DYNC2H1: variants seen among roughly 807,000 people sequenced by gnomAD.
DYNC2H1 encodes dynein cytoplasmic 2 heavy chain 1.
A neutral mutation model predicts 570.0 loss-of-function variants in DYNC2H1; 410 were observed. The ratio of observed to expected loss-of-function variants is 0.72; its 90% confidence interval spans 0.66 to 0.78. The LOEUF is 0.78. DYNC2H1 is among the 30% of genes least tolerant of loss of function. The pLI is 0.00. For missense variants in DYNC2H1, 4,865 were observed against 5,046.4 expected, an observed-to-expected ratio of 0.96 and a Z score of 1.09; for synonymous variants, 1,688 against 1,677.6, an observed-to-expected ratio of 1.01 and a Z score of -0.15.
intron 88 of DYNC2H1, among the ~76,000 whole-genome samples, chr11:103,474,438 G>A (rs1389104055): frequency 1.3e-5 from 2 of 152,128 alleles, no homozygotes; most frequent in Admixed American, 1.3e-4. Context: ...CTTCATATGT[G>A]TTTTGTTATG....
chr11:103,386,994 A>G (rs1941911151), intron 83 of DYNC2H1, among the ~76,000 whole-genome samples: 3 of 151,908 alleles, frequency 2.0e-5, no homozygotes, highest in Admixed American at 2.0e-4. Flanking sequence ...AGCATGATTT[A>G]TAATCCTTTG....
intron 18 of DYNC2H1, among the ~76,000 whole-genome samples, chr11:103,146,169 A>C (rs1860230414): frequency 6.6e-6 from 1 of 152,220 alleles, no homozygotes. Flanking sequence ...TAAATAAGTA[A>C]AACTTTAAAA....
chr11:103,320,208 C>T (rs1938093994), intron 80 of DYNC2H1, among the ~76,000 whole-genome samples: 1 of 151,968 alleles, frequency 6.6e-6, no homozygotes, highest in Admixed American at 6.6e-5. Flanking sequence ...CAAGAAGTTC[C>T]TCCTGACCAA....
chr11:103,476,755 G>A (rs774434917), intron 88 of DYNC2H1, among the ~76,000 whole-genome samples: 2 of 151,910 alleles, frequency 1.3e-5, no homozygotes, highest in African/African-American at 4.9e-5. Flanking sequence ...GTGGGCGGCG[G>A]AGGGAGAGAG....
chr11:103,400,819 T>C (rs1378022689), intron 84 of DYNC2H1, among the ~76,000 whole-genome samples: 2 of 152,202 alleles, frequency 1.3e-5, no homozygotes, highest in East Asian at 1.9e-4. Flanking sequence ...TTTCTACATA[T>C]ACAGAAAGGT....
rs1591385222 is a variant in DYNC2H1, at chr11:103,191,549, T to C, written c.7470T>C (p.Ser2490=). The part of the protein sequence containing the change: ...VRAKFTVDDY[S]HYFFTPCILT... ...CCAAATTTACAGTTGATGATTATAG[T>C]CACTATTTCTTTACTCCTTGCATTC... Residue 2490 remains serine (S), a synonymous_variant, in exon 46 of 89, where the codon AGT becomes AGC. Coordinates refer to ENST00000375735, the MANE Select transcript of DYNC2H1 (RefSeq NM_001377.3). 1 of 1,609,598 alleles carries C rather than the reference T, an allele frequency of 6.2e-7. No individual in the cohort carries two copies. Among genetic ancestry groups the C allele is most frequent in the Non-Finnish European group, 8.5e-7 (1 of 1,177,758 alleles).
At chr11:103,391,748 T>C (rs1378356955) in intron 83 of DYNC2H1, among the ~76,000 whole-genome samples, 8 of 152,234 alleles carry the variant, frequency 5.3e-5, no homozygotes, top group Non-Finnish European at 5.9e-5. Flanking sequence ...CTGTTAGAGT[T>C]TGCTGGAGGT....
At chr11:103,141,500 G>T (rs550945750) in intron 17 of DYNC2H1, among the ~76,000 whole-genome samples, 1 of 152,170 alleles carries the variant, frequency 6.6e-6, no homozygotes, top group South Asian at 2.1e-4. Context: ...TATCAGCAGC[G>T]GTGGCTACAG....
chr11:103,112,049 G>A (rs908142687), intron 1 of DYNC2H1, among the ~76,000 whole-genome samples: 5 of 152,228 alleles, frequency 3.3e-5, no homozygotes, highest in Non-Finnish European at 5.9e-5. Flanking sequence ...ATGGGGCAGC[G>A]TGGGGAACTA....
Position 103,189,840 on chromosome 11 carries a change from C to A in DYNC2H1, c.7437+24C>A. ...AGGTAGATATGCATCTAAATTGTAG[C>A]TTTCATGTCTATTAGTATCATTTCT... is the stretch of plus-strand genomic sequence containing the variant. On this transcript the variant is annotated intron_variant, in intron 45 of 88. Coordinates refer to ENST00000375735, the MANE Select transcript of DYNC2H1 (RefSeq NM_001377.3). The surrounding 1 kb of genome is among the most constrained non-coding windows in gnomAD (Gnocchi z 4.3). 1 of 1,567,694 alleles carries A rather than the reference C, an allele frequency of 6.4e-7. No individual in the cohort carries two copies. Among genetic ancestry groups the A allele is most frequent in the Non-Finnish European group, 8.6e-7 (1 of 1,161,342 alleles).
In DYNC2H1 at chr11:103,185,934, C is replaced by T. The variant is rs889421372; in HGVS notation, c.6634-308C>T. 2.6e-5 allele frequency among the ~76,000 whole-genome samples: 4 copies of T among 151,818 alleles called. No homozygotes were observed. Among genetic ancestry groups the T allele is most frequent in the African/African-American group, 7.3e-5 (3 of 41,362 alleles). On this transcript the variant is annotated intron_variant, in intron 41 of 88. Coordinates refer to ENST00000375735, the MANE Select transcript of DYNC2H1 (RefSeq NM_001377.3). The surrounding 1 kb of genome is among the most constrained non-coding windows in gnomAD (Gnocchi z 4.5). ...GAAATGAAGGGCTTTAGGATTTCTG[C>T]ATTCTGTACTTTGTGATTTAATGTT... is the stretch of plus-strand genomic sequence containing the variant.
intron 1 of DYNC2H1, among the ~76,000 whole-genome samples, chr11:103,110,847 C>T (rs180820271): frequency 2.6e-4 from 39 of 149,206 alleles, no homozygotes; most frequent in East Asian, 1.8e-3. Flanking sequence ...AGACGCAGTT[C>T]GCAGTTTCGC....
chr11:103,187,478 T>A lies in DYNC2H1; in HGVS notation c.7032T>A (p.Arg2344=), dbSNP rs760382908. 2 of 1,613,270 alleles carry A rather than the reference T, an allele frequency of 1.2e-6. No homozygotes were observed. Among genetic ancestry groups the A allele is most frequent in the Non-Finnish European group, 1.7e-6 (2 of 1,179,514 alleles). ...TCMVISTNTG[R]VYRPKDCERL... ...TGGTAATCAGTACTAATACTGGTCG[T>A]GTATACAGACCAAAAGACTGTGAAA... is the stretch of plus-strand genomic sequence containing the variant. Residue 2344 remains arginine, a synonymous_variant, in exon 43 of 89, where the codon CGT becomes CGA. Coordinates refer to ENST00000375735, the MANE Select transcript of DYNC2H1 (RefSeq NM_001377.3).
At chr11:103,210,980 T>C (rs537137589) in intron 53 of DYNC2H1, among the ~76,000 whole-genome samples, 5 of 152,088 alleles carry the variant, frequency 3.3e-5, no homozygotes, top group Non-Finnish European at 5.9e-5. Context: ...ATCCCTTTCT[T>C]CAGTTATTGG....
rs557251734 is a variant in DYNC2H1 at position 103,369,300 on chromosome 11, G to A, written c.12156+10941G>A. ...CCAGAGAGGATTCCCAGATGCTGGC[G>A]GCAGGAACCTGAGTTCTTGCAAGCC... On this transcript the variant is annotated intron_variant, in intron 83 of 88. Transcript: ENST00000375735. The surrounding 1 kb of genome is among the most constrained non-coding windows in gnomAD (Gnocchi z 4.0). Among the ~76,000 whole-genome samples, 5 of 152,234 alleles carry A rather than the reference G, an allele frequency of 3.3e-5. No homozygotes were observed. The highest frequency in any genetic ancestry group is 1.9e-4 in the East Asian group (1 of 5,174).
chr11:103,433,177 C>T (rs542903172), intron 84 of DYNC2H1, among the ~76,000 whole-genome samples: 4 of 151,940 alleles, frequency 2.6e-5, no homozygotes, highest in African/African-American at 9.7e-5. Context: ...TGTTTTAATT[C>T]TCTACATATT....
chr11:103,398,332 G>GT (rs1942481534), intron 83 of DYNC2H1, among the ~76,000 whole-genome samples: 1 of 152,140 alleles, frequency 6.6e-6, no homozygotes, highest in Non-Finnish European at 1.5e-5. Context: ...CAGTATGAAT[G>GT]TATCTCAAAA....
chr11:103,471,161 G>A (rs1945374431), intron 88 of DYNC2H1, among the ~76,000 whole-genome samples: 1 of 152,124 alleles, frequency 6.6e-6, no homozygotes, highest in African/African-American at 2.4e-5. Context: ...TTTCTCTGAT[G>A]GCCAGTGATG....
chr11:103,139,426 T>G (rs1859769625), intron 17 of DYNC2H1, among the ~76,000 whole-genome samples: 2 of 152,138 alleles, frequency 1.3e-5, no homozygotes, highest in South Asian at 2.1e-4. Context: ...TTTGTTCTCG[T>G]TGGTTTCAAA....
Sources: allele counts gnomAD v4.1 joint callset (sites outside exome capture counted in the v4.1 genomes callset), GRCh38; gene constraint gnomAD v4.1.1; non-coding constraint Gnocchi (gnomAD v3.1); transcripts MANE v1.5; gene names NCBI Gene and HGNC (gene_info 2026-07-23, HGNC 2026-07-21).